GLIS3: variants seen among roughly 807,000 people sequenced by gnomAD.
The protein encoded by GLIS3 is zinc finger protein GLIS3.
In GLIS3, 53 loss-of-function variants were observed where a neutral mutation model predicts 78.6. The ratio of observed to expected loss-of-function variants is 0.67; its 90% CI spans 0.54 to 0.85. The LOEUF (loss-of-function observed/expected upper bound fraction) is 0.85, where lower values mean the gene tolerates loss of function less well. Among genes scored for constraint, GLIS3 ranks in the 40% least tolerant of loss-of-function variants. The pLI is 0.00. For synonymous variants in GLIS3, 684 were observed against 509.9 expected (o/e 1.34, Z -4.60); for missense variants, 1,703 against 1,231.1 (o/e 1.38, Z -5.74).
chr9:4,130,694 A>G (rs1417794048), intron 2 of GLIS3, among the ~76,000 whole-genome samples: 1 of 152,224 alleles, frequency 6.6e-6, no homozygotes, highest in East Asian at 1.9e-4. Context: ...ATGTCCAGAC[A>G]GAAGCCTGCT....
At chr9:4,375,981 A>G in the GLIS3 span, among the ~76,000 whole-genome samples, 1 of 152,202 alleles carries the variant, frequency 6.6e-6, no homozygotes, top group Non-Finnish European at 1.5e-5. Context: ...CATCTGTAAA[A>G]GAAAGTGAGT....
In GLIS3 at chr9:4,115,750, T is replaced by C. The variant is rs191897267; in HGVS notation, c.1710+2018A>G. Among the ~76,000 whole-genome samples, 301 of 152,250 alleles carry C rather than the reference T, an allele frequency of 2.0e-3. 3 individuals carry two copies. Among genetic ancestry groups the C allele is most frequent in the Non-Finnish European group, 2.5e-3 (172 of 68,022 alleles). ...AAAATATATAGCCCCAGAACTAGAATTGCAGCATTAATCAGCTCCTAAGAA... is the reference window on the plus strand; with the variant it reads ...AAAATATATAGCCCCAGAACTAGAACTGCAGCATTAATCAGCTCCTAAGAA... On this transcript the variant is annotated intron_variant, in intron 4 of 10. Coordinates refer to ENST00000381971, the MANE Select transcript of GLIS3 (RefSeq NM_001042413.2).
the GLIS3 span, among the ~76,000 whole-genome samples, chr9:4,406,118 T>C: frequency 1.3e-5 from 2 of 152,164 alleles, no homozygotes; most frequent in Non-Finnish European, 2.9e-5. Context: ...GCCAGTATCA[T>C]ACCAAATGGG....
At chr9:4,360,277 G>A in the GLIS3 span, among the ~76,000 whole-genome samples, 36 of 152,250 alleles carry the variant, frequency 2.4e-4, 1 homozygote, top group Non-Finnish European at 4.0e-4. Context: ...ATGTGAAGAG[G>A]AGCAGCAACA....
At chr9:4,385,686 A>AAAAGAAAG in the GLIS3 span, among the ~76,000 whole-genome samples, 1 of 139,140 alleles carries the variant, frequency 7.2e-6, no homozygotes, top group African/African-American at 2.9e-5. Flanking sequence ...AAAAAAAGAA[A>AAAAGAAAG]AAAGAAAGAA....
intron 2 of GLIS3, among the ~76,000 whole-genome samples, chr9:4,184,216 T>A (rs1416121895): frequency 1.3e-5 from 2 of 152,204 alleles, no homozygotes; most frequent in African/African-American, 2.4e-5. Flanking sequence ...GTGGAGGGCA[T>A]GGCTTAAGCA....
chr9:4,037,674 G>A (rs374955570), intron 4 of GLIS3, among the ~76,000 whole-genome samples: 8 of 152,022 alleles, frequency 5.3e-5, no homozygotes, highest in African/African-American at 1.9e-4. Context: ...CTCAGAAACA[G>A]AAAAATAGGT....
intron 4 of GLIS3, among the ~76,000 whole-genome samples, chr9:3,982,110 T>G (rs753181393): frequency 6.6e-6 from 1 of 152,216 alleles, no homozygotes; most frequent in Non-Finnish European, 1.5e-5. Context: ...GCTATTGTAT[T>G]TACTTGCTAA....
At chr9:4,438,854 C>T in the GLIS3 span, among the ~76,000 whole-genome samples, 1 of 152,160 alleles carries the variant, frequency 6.6e-6, no homozygotes, top group Admixed American at 6.5e-5. Flanking sequence ...AACTGTGAGT[C>T]TATTAAACCT....
At chr9:4,343,271 G>C (rs968058557) in intron 2 of GLIS3, among the ~76,000 whole-genome samples, 1 of 152,204 alleles carries the variant, frequency 6.6e-6, no homozygotes, top group Non-Finnish European at 1.5e-5. Context: ...GAGCCCAGGA[G>C]TTCGAGGCTT....
the GLIS3 span, among the ~76,000 whole-genome samples, chr9:4,422,546 T>C: frequency 7.2e-5 from 11 of 152,188 alleles, no homozygotes; most frequent in Admixed American, 5.2e-4. Flanking sequence ...TCTGCTGCAG[T>C]CAACCAGTCC....
intron 2 of GLIS3, among the ~76,000 whole-genome samples, chr9:4,141,420 C>G (rs1833804933): frequency 6.6e-6 from 1 of 152,178 alleles, no homozygotes; most frequent in Non-Finnish European, 1.5e-5. Context: ...CAGCAGACTC[C>G]TAGAGGCTAT....
intron 4 of GLIS3, among the ~76,000 whole-genome samples, chr9:4,306,260 C>CG (rs2130508040): frequency 1.6e-5 from 1 of 62,560 alleles, no homozygotes; most frequent in African/African-American, 6.7e-5. Flanking sequence ...TTTGTAGAGG[C>CG]AGGGGGGTCT....
At position 4,216,897 on chromosome 9, in the gene GLIS3, G is replaced by C. The variant is rs762973142; in HGVS notation, c.388+69141C>G. On this transcript the variant is annotated intron_variant, in intron 2 of 10. Coordinates refer to ENST00000381971, the MANE Select transcript of GLIS3 (RefSeq NM_001042413.2). The stretch of plus-strand genomic sequence containing the variant: ...ATCAAAACCCCTCCTCTCTTGAATA[G>C]CAAATTGAAATTGATCTGATTTGCA... 3.1e-4 allele frequency among the ~76,000 whole-genome samples: 47 copies of C among 152,316 alleles called. 1 individual carries two copies. The highest frequency in any genetic ancestry group is 1.2e-3 in the South Asian group (6 of 4,826).
the GLIS3 span, among the ~76,000 whole-genome samples, chr9:4,407,702 G>C: frequency 6.6e-6 from 1 of 152,128 alleles, no homozygotes; most frequent in Non-Finnish European, 1.5e-5. Context: ...CAGAACATTG[G>C]TCTGGGCAAG....
At position 3,879,509 on chromosome 9, in the gene GLIS3, G is replaced by C. The variant is rs1160894773; in HGVS notation, c.2215C>G (p.Pro739Ala). The stretch of plus-strand genomic sequence containing the variant: ...GGGCTCCCCTGTACATTATGTCCTG[G>C]AGAAGGGTGACTGACAGGATGTGGG... ...PPPHPVSHPS[P>A]GHNVQGSPHN... Residue 739 changes from proline to alanine, a missense_variant, in exon 8 of 11, where the codon CCA (proline) becomes GCA (alanine). Physicochemically the swap from Pro to Ala is conservative, Grantham distance 27. Transcript: ENST00000381971. 1.2e-6 allele frequency: 2 copies of C among 1,614,130 alleles called. No homozygotes were observed. The highest frequency in any genetic ancestry group is 3.3e-5 in the Admixed American group (2 of 60,016).
At chr9:3,990,383 C>A (rs923450017) in intron 4 of GLIS3, among the ~76,000 whole-genome samples, 1 of 152,148 alleles carries the variant, frequency 6.6e-6, no homozygotes, top group Non-Finnish European at 1.5e-5. Flanking sequence ...ACGGCAATGG[C>A]GCATGTTTTC....
intron 8 of GLIS3, among the ~76,000 whole-genome samples, chr9:3,866,581 G>A (rs1820603869): frequency 6.6e-6 from 1 of 152,226 alleles, no homozygotes; most frequent in Admixed American, 6.5e-5. Flanking sequence ...AGGTTCTGAT[G>A]AGAGTGGCTT....
At chr9:3,994,622 T>C (rs1239854711) in intron 4 of GLIS3, among the ~76,000 whole-genome samples, 1 of 152,220 alleles carries the variant, frequency 6.6e-6, no homozygotes, top group Admixed American at 6.5e-5. Flanking sequence ...AATTTCTACA[T>C]TACTGTGTGA....
Sources: allele counts gnomAD v4.1 joint callset (sites outside exome capture counted in the v4.1 genomes callset), GRCh38; gene constraint gnomAD v4.1.1; transcripts MANE v1.5; gene names NCBI Gene and HGNC (gene_info 2026-07-23, HGNC 2026-07-21).